The following UGT1A3 variants were observed in gnomAD, a reference collection of about 807,000 sequenced individuals.
The protein encoded by UGT1A3 is UDP glucuronosyltransferase family 1 member A3.
A neutral mutation model predicts 41.0 loss-of-function variants in UGT1A3; 31 were observed. That is an observed-to-expected ratio of 0.76 (90% CI 0.57 to 1.02). The LOEUF (loss-of-function observed/expected upper bound fraction) is 1.02, where lower values mean the gene tolerates loss of function less well. Ranked by LOEUF, UGT1A3 falls within the 50% of genes least tolerant of loss-of-function variation. The probability of loss-of-function intolerance (pLI) is 0.00; values close to 1 mark genes in which losing one functional copy is unlikely to be tolerated. For synonymous variants in UGT1A3, 262 were observed against 257.6 expected, an observed-to-expected ratio of 1.02 and a Z score of -0.17; for missense variants, 737 against 671.0, an observed-to-expected ratio of 1.10 and a Z score of -1.09.
chr2:233,746,538 T>G (rs575149330), intron 1 of UGT1A3, among the ~76,000 whole-genome samples: 26 of 151,796 alleles, frequency 1.7e-4, no homozygotes, highest in Non-Finnish European at 3.5e-4. Flanking sequence ...GCTGCCCTGC[T>G]GTGTGACTTC....
intron 1 of UGT1A3, chr2:233,760,950 T>C: frequency 1.2e-6 from 2 of 1,614,226 alleles, no homozygotes; most frequent in East Asian, 2.2e-5. Context: ...CACAGAACTT[T>C]CTGTGCGACG....
intron 1 of UGT1A3, among the ~76,000 whole-genome samples, chr2:233,741,256 C>A (rs1347287188): frequency 6.6e-6 from 1 of 151,868 alleles, no homozygotes; most frequent in African/African-American, 2.4e-5. Flanking sequence ...GTATGCCACT[C>A]TTTGCTGACC....
chr2:233,749,994 T>C (rs551997072), intron 1 of UGT1A3, among the ~76,000 whole-genome samples: 1 of 151,898 alleles, frequency 6.6e-6, no homozygotes, highest in South Asian at 2.1e-4. Context: ...GACTAATATA[T>C]TAAATTGGTG....
intron 1 of UGT1A3, chr2:233,741,568 C>G (rs1459540084): frequency 2.0e-5 from 3 of 151,868 alleles, no homozygotes; most frequent in African/African-American, 7.3e-5. Context: ...GTATGAGAAT[C>G]AACTACCCAG....
chr2:233,760,863 C>A, intron 1 of UGT1A3: 1 of 1,614,134 alleles, frequency 6.2e-7, no homozygotes, highest in Non-Finnish European at 8.5e-7. Flanking sequence ...CATTCTCCTA[C>A]GTGCCCAGGC....
intron 1 of UGT1A3, chr2:233,743,008 TACA>T (rs1692158299): frequency 4.2e-6 from 1 of 239,364 alleles, no homozygotes; most frequent in Admixed American, 5.1e-5. Context: ...ACAGATATTT[TACA>T]ACGATTGAAA....
Position 233,772,815 on chromosome 2 carries a change from G to A in UGT1A3, c.*256G>A. 1 of 1,022,382 alleles carries A rather than the reference G, an allele frequency of 9.8e-7. No homozygotes were observed. The highest frequency in any genetic ancestry group is 1.3e-6 in the Non-Finnish European group (1 of 747,412). 63.3% of individuals were successfully genotyped at this position (1,022,382 alleles called of 1,614,324 possible). On this transcript the variant is annotated 3_prime_UTR_variant, in exon 5 of 5. Transcript: ENST00000482026. Reference sequence around the variant, plus strand: ...ACATGTGCCATTTTTCAGAGGACGTGCAGACAGGCTGGCATTCTAGATTAC... The same window carrying A: ...ACATGTGCCATTTTTCAGAGGACGTACAGACAGGCTGGCATTCTAGATTAC...
rs147479386 is a variant in UGT1A3 at position 233,767,984 on chromosome 2, G to A, written c.1087+48G>A. The A allele has an allele frequency of 9.4e-4, 1,519 of 1,614,138 alleles. 17 individuals carry two copies. The African/African-American group carries it at 0.018, about 19-fold the overall frequency. On this transcript the variant is annotated intron_variant, in intron 3 of 4. Transcript: ENST00000482026. ...ATAGGTCAAACCAGGGTCAAATTAAGAAAATGGCTTAAGCACAGCTATTCT... is the reference window on the plus strand; with the variant it reads ...ATAGGTCAAACCAGGGTCAAATTAAAAAAATGGCTTAAGCACAGCTATTCT...
intron 1 of UGT1A3, among the ~76,000 whole-genome samples, chr2:233,764,316 C>T (rs1044416342): frequency 3.3e-5 from 5 of 152,242 alleles, no homozygotes; most frequent in Admixed American, 6.5e-5. Flanking sequence ...TTAAGGGAAG[C>T]TTTGCCAAGT....
rs1308023181 is a variant in UGT1A3, at chr2:233,747,199, G to A, written c.867+17206G>A. 45 of 1,604,092 alleles carry A rather than the reference G, an allele frequency of 2.8e-5. 2 individuals carry two copies. The highest frequency in any genetic ancestry group is 8.8e-5 in the South Asian group (8 of 90,422). On this transcript the variant is annotated intron_variant, in intron 1 of 4. Coordinates refer to ENST00000482026, the MANE Select transcript of UGT1A3 (RefSeq NM_019093.4). Reference sequence around the variant, plus strand: ...GCGTGGGGTGGACAGTCAGCTGTCCGTGTCTTCTGCTGAGATGGCCACAGG... The same window carrying A: ...GCGTGGGGTGGACAGTCAGCTGTCCATGTCTTCTGCTGAGATGGCCACAGG...
chr2:233,760,995 A>G (rs777512835), intron 1 of UGT1A3: 2 of 1,614,138 alleles, frequency 1.2e-6, no homozygotes, highest in Non-Finnish European at 1.7e-6. Context: ...TTGCCTCAGA[A>G]TTCCTTCAGA....
intron 1 of UGT1A3, among the ~76,000 whole-genome samples, chr2:233,764,942 G>A (rs12479045): frequency 6.6e-5 from 10 of 152,198 alleles, no homozygotes; most frequent in African/African-American, 1.9e-4. Flanking sequence ...TGAGAGTGGC[G>A]GGGAGAGAGG....
intron 1 of UGT1A3, chr2:233,755,013 G>A (rs1255177181): frequency 7.7e-7 from 1 of 1,294,530 alleles, no homozygotes; most frequent in Admixed American, 1.9e-5. Flanking sequence ...CTACTCGAAG[G>A]GGTCCTTGAA....
intron 1 of UGT1A3, chr2:233,747,510 T>C (rs1693700936): frequency 1.9e-6 from 3 of 1,608,048 alleles, no homozygotes; most frequent in Non-Finnish European, 2.6e-6. Flanking sequence ...CACTCAACTG[T>C]ACTTTGAAAC....
intron 1 of UGT1A3, among the ~76,000 whole-genome samples, chr2:233,734,879 CAGTT>C (rs1435181219): frequency 6.6e-6 from 1 of 152,150 alleles, no homozygotes; most frequent in Non-Finnish European, 1.5e-5. Flanking sequence ...GTCTGAGAGA[CAGTT>C]TGTTGTGATT....
At chr2:233,748,802 C>G (rs1371204556) in intron 1 of UGT1A3, among the ~76,000 whole-genome samples, 1 of 151,284 alleles carries the variant, frequency 6.6e-6, no homozygotes, top group African/African-American at 2.5e-5. Context: ...CTGAAATTAT[C>G]AAGAAATTGT....
intron 1 of UGT1A3, chr2:233,743,003 T>C (rs1559386473): frequency 4.2e-6 from 1 of 238,432 alleles, no homozygotes; most frequent in Non-Finnish European, 8.3e-6. Context: ...TGCATACAGA[T>C]ATTTTACAAC....
Position 233,769,609 on chromosome 2 carries a change from C to T in UGT1A3, c.1307+1170C>T, listed in dbSNP as rs776582226. The T allele has an allele frequency of 3.7e-6, 6 of 1,612,752 alleles. No individual in the cohort carries two copies. Among genetic ancestry groups the T allele is most frequent in the Non-Finnish European group, 5.1e-6 (6 of 1,179,862 alleles). On this transcript the variant is annotated intron_variant, in intron 4 of 4. Transcript: ENST00000482026. The surrounding 1 kb of genome is among the most constrained non-coding windows in gnomAD (Gnocchi z 4.4). ...AGAGGAGACGGAACACGGGGACACACCAGCTTGAGCAAGGGACAACAGGGG... is the reference window on the plus strand; with the variant it reads ...AGAGGAGACGGAACACGGGGACACATCAGCTTGAGCAAGGGACAACAGGGG...
At position 233,769,512 on chromosome 2, in the gene UGT1A3, C is replaced by T; in HGVS notation, c.1307+1073C>T. ...TTATGAGAGTGTCCATTGCTTTCTCCCATGGTTACCTCCTTTAGAAAGAAG... is the reference window on the plus strand; with the variant it reads ...TTATGAGAGTGTCCATTGCTTTCTCTCATGGTTACCTCCTTTAGAAAGAAG... On this transcript the variant is annotated intron_variant, in intron 4 of 4. Transcript: ENST00000482026. This position sits in a 1 kb window ranked among gnomAD's most constrained non-coding sequence, Gnocchi z 4.4. 1 of 1,612,734 alleles carries T rather than the reference C, an allele frequency of 6.2e-7. No homozygotes were observed. The highest frequency in any genetic ancestry group is 8.5e-7 in the Non-Finnish European group (1 of 1,179,852).
Sources: allele counts gnomAD v4.1 joint callset (sites outside exome capture counted in the v4.1 genomes callset), GRCh38; gene constraint gnomAD v4.1.1; non-coding constraint Gnocchi (gnomAD v3.1); transcripts MANE v1.5; gene names NCBI Gene and HGNC (gene_info 2026-07-23, HGNC 2026-07-21).